SMARCA1: variants seen among roughly 807,000 people sequenced by gnomAD.
SMARCA1 encodes the protein SWI/SNF-related matrix-associated actin-dependent regulator of chromatin subfamily A member 1.
Under a neutral mutation model 93.6 loss-of-function variants are expected in SMARCA1, and 17 were observed. The observed-to-expected ratio is 0.18, with a 90% CI of 0.12 to 0.27. The LOEUF is 0.27. SMARCA1 is among the 10% of genes least tolerant of loss of function. The probability of loss-of-function intolerance (pLI) is 1.00; values close to 1 mark genes in which losing one functional copy is unlikely to be tolerated. For synonymous variants in SMARCA1, 271 were observed against 271.4 expected, an observed-to-expected ratio of 1.00 and a Z score of 0.01; for missense variants, 630 against 819.0, an observed-to-expected ratio of 0.77 and a Z score of 2.82.
At chrX:129,479,512 G>A (rs1933544641) in intron 19 of SMARCA1, among the ~76,000 whole-genome samples, 1 of 109,810 alleles carries the variant, frequency 9.1e-6, no homozygotes, top group African/African-American at 3.3e-5. Flanking sequence ...TTATATACAT[G>A]GAGCTTTTCT....
intron 5 of SMARCA1, among the ~76,000 whole-genome samples, chrX:129,514,963 T>C (rs1935144219): frequency 9.0e-6 from 1 of 111,170 alleles, no homozygotes; most frequent in South Asian, 3.8e-4. Context: ...GACAGAGAAT[T>C]GCTTGAACCT....
Position 129,476,388 on chromosome X carries a change from G to A in SMARCA1, c.2442+4313C>T, listed in dbSNP as rs778807671. ...CTGTGACCTTGTGCTGAATATGAGG[G>A]AGGGAAAGGGGGAGAAAAACAGAAA... On this transcript the variant is annotated intron_variant, in intron 19 of 24. Transcript: ENST00000371121. 5.4e-5 allele frequency among the ~76,000 whole-genome samples: 6 copies of A among 111,933 alleles called. No individual in the cohort carries two copies. In the East Asian group the frequency reaches 1.7e-3, roughly 31 times the overall value.
chrX:129,515,906 C>T lies in SMARCA1; in HGVS notation c.517G>A (p.Val173Met), dbSNP rs370612874. The change falls in exon 4 of 25, where the codon GTG becomes ATG. Residue 173 changes from valine (V) to methionine (M), a missense_variant. This residue lies in a region of SMARCA1 where 382 missense variants were observed against 537.9 expected (regional missense o/e 0.71). Transcript: ENST00000371121. ...ATGAAGTACTTACATGAAGGTGACA[C>T]CTCAAATCTAATACACACATTAGAT... ...KTSNVCIRFEVSPSYVKGGPL... is the reference protein window; with the variant it reads ...KTSNVCIRFEMSPSYVKGGPL... The T allele has an allele frequency of 2.5e-6, 3 of 1,194,972 alleles. No individual in the cohort carries two copies. Among genetic ancestry groups the T allele is most frequent in the Non-Finnish European group, 3.4e-6 (3 of 881,276 alleles).
At position 129,480,696 on chromosome X, in the gene SMARCA1, A is replaced by C; in HGVS notation, c.2442+5T>G. ...TATATTAATCTTAAAAAATGGAAAA[A>C]ATACCTTATAGCCTATTGTCTTCCG... On this transcript the variant is annotated splice_donor_5th_base_variant and intron_variant, in intron 19 of 24. Transcript: ENST00000371121. 2 of 930,853 alleles carry C rather than the reference A, an allele frequency of 2.1e-6. No individual in the cohort carries two copies. The highest frequency in any genetic ancestry group is 3.2e-5 in the South Asian group (1 of 31,537). 76.7% of individuals were successfully genotyped at this position (930,853 alleles called of 1,213,427 possible).
chrX:129,487,229 C>A, intron 16 of SMARCA1, 92 bp from the exon 17 acceptor site: 3 of 615,002 alleles, frequency 4.9e-6, no homozygotes, highest in Non-Finnish European at 7.4e-6. Flanking sequence ...CAGGTTTTGA[C>A]ATGAAATATC....
At chrX:129,515,853 C>A in intron 4 of SMARCA1, 41 bp downstream of exon 4, 1 of 1,162,123 alleles carries the variant, frequency 8.6e-7, no homozygotes, top group Non-Finnish European at 1.2e-6. Context: ...TTTTCTAAAA[C>A]TAAATTGAAA....
At chrX:129,500,703 C>T (rs748779134) in intron 9 of SMARCA1, among the ~76,000 whole-genome samples, 6 of 111,464 alleles carry the variant, frequency 5.4e-5, no homozygotes, top group Admixed American at 9.5e-5. Context: ...TATAGAAAAC[C>T]ACGTGTCCCA....
intron 23 of SMARCA1, among the ~76,000 whole-genome samples, chrX:129,460,456 C>A (rs1371740762): frequency 9.0e-6 from 1 of 110,566 alleles, no homozygotes; most frequent in Non-Finnish European, 1.9e-5. Flanking sequence ...TCAAGACCAG[C>A]CTGGCCAATA....
chrX:129,474,107 T>C (rs899378443), intron 19 of SMARCA1, among the ~76,000 whole-genome samples: 1 of 111,219 alleles, frequency 9.0e-6, no homozygotes, highest in African/African-American at 3.3e-5. Context: ...GAAAAATCGG[T>C]GAAAAAGCAA....
chrX:129,480,935 T>C (rs1173588162), intron 18 of SMARCA1, 121 bp from the exon 19 acceptor site: 1 of 576,683 alleles, frequency 1.7e-6, no homozygotes, highest in Non-Finnish European at 2.7e-6. Flanking sequence ...TTTATATGGC[T>C]GGGCCAAATC....
At chrX:129,481,029 C>T in intron 18 of SMARCA1, 46 bp downstream of exon 18, 1 of 827,857 alleles carries the variant, frequency 1.2e-6, no homozygotes, top group Non-Finnish European at 1.8e-6. Context: ...CATGTTGCAA[C>T]AGAAATCTAC....
At chrX:129,500,556 C>G (rs191540360) in intron 9 of SMARCA1, among the ~76,000 whole-genome samples, 2 of 112,653 alleles carry the variant, frequency 1.8e-5, no homozygotes, top group South Asian at 3.6e-4. Flanking sequence ...CAGGTCATTT[C>G]AAAGTACCAT....
intron 23 of SMARCA1, among the ~76,000 whole-genome samples, chrX:129,451,308 T>C (rs1266601898): frequency 8.9e-6 from 1 of 111,834 alleles, no homozygotes; most frequent in Non-Finnish European, 1.9e-5. Context: ...GATTTGATCG[T>C]TGGTTTCTAG....
At chrX:129,480,018 T>G (rs1035445834) in intron 19 of SMARCA1, among the ~76,000 whole-genome samples, 2 of 112,089 alleles carry the variant, frequency 1.8e-5, no homozygotes, top group Non-Finnish European at 3.8e-5. Flanking sequence ...AATTTTTTAA[T>G]GTTAGTGATT....
In SMARCA1 at chrX:129,513,576, T is replaced by TTTATATA. The variant is rs761688301; in HGVS notation, c.631-1600_631-1594dup. Among the ~76,000 whole-genome samples, 457 of 105,912 alleles carry TTTATATA rather than the reference T, an allele frequency of 4.3e-3. 2 individuals carry two copies. The highest frequency in any genetic ancestry group is 0.014 in the Admixed American group (136 of 9,529). 92.0% of individuals were successfully genotyped at this position (105,912 alleles called of 115,157 possible). Reference sequence around the variant, plus strand: ...AAAAAGTAAGTATATATTATATATATTTATATATTATATATTATATATATA... The same window carrying TTTATATA: ...AAAAAGTAAGTATATATTATATATATTTATATATTATATATTATATATTATATATATA... On this transcript the variant is annotated intron_variant, in intron 5 of 24. Transcript: ENST00000371121.
intron 19 of SMARCA1, 67 bp from the exon 20 acceptor site, chrX:129,471,393 A>C (rs1933117293): frequency 1.4e-6 from 1 of 710,780 alleles, no homozygotes. Context: ...CTGTATATAC[A>C]CATATCAATC....
rs6529379 is a variant in SMARCA1 at position 129,489,357 on chromosome X, C to T, written c.1949-272G>A. ...GTTCAAACTCTGTTTTCAGATCAAA[C>T]TTCTCTATATGAAAAGGTACCCTCT... On this transcript the variant is annotated intron_variant, in intron 15 of 24. Transcript: ENST00000371121. Among the ~76,000 whole-genome samples the T allele has an allele frequency of 4.5e-3, 502 of 111,951 alleles. 3 individuals are homozygous for T. Among genetic ancestry groups the T allele is most frequent in the African/African-American group, 0.016 (480 of 30,869 alleles).
At chrX:129,449,397 G>A (rs937619761) in intron 23 of SMARCA1, among the ~76,000 whole-genome samples, 7 of 111,583 alleles carry the variant, frequency 6.3e-5, no homozygotes, top group African/African-American at 9.8e-5. Flanking sequence ...TCTTCTCACC[G>A]GACATCTTGT....
Position 129,471,321 on chromosome X carries a change from T to C in SMARCA1, c.2448A>G (p.Pro816=), listed in dbSNP as rs1331504955. 1 of 1,190,611 alleles carries C rather than the reference T, an allele frequency of 8.4e-7. No individual in the cohort carries two copies. The highest frequency in any genetic ancestry group is 3.0e-5 in the East Asian group (1 of 33,658). Residue 816 remains proline, a synonymous_variant, in exon 20 of 25, where the codon CCA becomes CCG. Transcript: ENST00000371121. The stretch of plus-strand genomic sequence containing the variant: ...CTGGATTTGGGATATCAGGATTCCT[T>C]GGAACCTATAAATCAAGAGATAAAC... ...YYRKTIGYKV[P]RNPDIPNPAL...
Sources: allele counts gnomAD v4.1 joint callset (sites outside exome capture counted in the v4.1 genomes callset), GRCh38; gene constraint gnomAD v4.1.1; regional missense constraint gnomAD v4.1.1; transcripts MANE v1.5; gene names NCBI Gene and HGNC (gene_info 2026-07-23, HGNC 2026-07-21).